The following EVC2 variants were observed in gnomAD, a reference collection of about 807,000 sequenced individuals.
EVC2 encodes limbin.
A neutral mutation model predicts 149.3 loss-of-function variants in EVC2; 148 were observed. The ratio of observed to expected loss-of-function variants is 0.99; its 90% CI spans 0.87 to 1.14. The LOEUF (loss-of-function observed/expected upper bound fraction) is 1.14. Ranked by LOEUF, EVC2 falls within the 50% of genes most tolerant of loss-of-function variation. EVC2 has a pLI of 0.00. For missense variants in EVC2, 1,854 were observed against 1,627.3 expected (o/e 1.14, Z -2.40); for synonymous variants, 776 against 649.9 (o/e 1.19, Z -2.95).
chr4:5,561,696 G>A (rs1020395083), downstream of EVC2, among the ~76,000 whole-genome samples: 7 of 152,156 alleles, frequency 4.6e-5, no homozygotes, highest in African/African-American at 1.7e-4. Context: ...CTCCCATATA[G>A]GTGGTTTCAT....
In EVC2 at chr4:5,631,948, C is replaced by G; in HGVS notation, c.1555G>C (p.Glu519Gln). ...HLRKSLALQQ[E>Q]EDFAKAHRQL... is the part of the protein sequence containing the mutation. ...CTGTGAGCTTTGGCAAAGTCTTCTT[C>G]TTGTTGCAAAGCGAGAGACTTCCTC... is the stretch of plus-strand genomic sequence containing the variant. The change falls in exon 11 of 22, where the codon GAA (glutamate) becomes CAA (glutamine). Residue 519 changes from glutamate (E) to glutamine (Q), a missense_variant. Physicochemically the swap from Glu to Gln is conservative, Grantham distance 29 (BLOSUM62 2). Coordinates refer to ENST00000344408, the MANE Select transcript of EVC2 (RefSeq NM_147127.5). 6.2e-7 allele frequency: 1 copy of G among 1,614,188 alleles called. No individual in the cohort carries two copies. The highest frequency in any genetic ancestry group is 8.5e-7 in the Non-Finnish European group (1 of 1,180,018).
At position 5,665,644 on chromosome 4, in the gene EVC2, C is replaced by A; in HGVS notation, c.876G>T (p.Leu292=). 6.2e-7 allele frequency: 1 copy of A among 1,614,172 alleles called. No individual in the cohort carries two copies. The highest frequency in any genetic ancestry group is 8.5e-7 in the Non-Finnish European group (1 of 1,180,016). ...SITAEENVTV[L]PHHGLHAAGF... ...CTGCTGCGTGGAGGCCGTGGTGCGG[C>A]AGAACCTGTGGAGACAAGAGGAGAG... The change falls in exon 8 of 22, where the codon CTG becomes CTT. Residue 292 remains leucine (L), a synonymous_variant. Transcript: ENST00000344408.
chr4:5,571,264 G>A (rs1477040740), intron 19 of EVC2, among the ~76,000 whole-genome samples: 1 of 132,950 alleles, frequency 7.5e-6, no homozygotes, highest in Non-Finnish European at 1.5e-5. Flanking sequence ...GTTGCAGTGA[G>A]CCAAGATCGC....
At chr4:5,558,978 A>G (rs1721890226), downstream of EVC2, among the ~76,000 whole-genome samples, 1 of 152,160 alleles carries the variant, frequency 6.6e-6, no homozygotes, top group African/African-American at 2.4e-5. Context: ...GGATCATTTG[A>G]GTCTTGGAGT....
At chr4:5,695,582 T>C (rs1306541180) in intron 2 of EVC2, among the ~76,000 whole-genome samples, 2 of 152,146 alleles carry the variant, frequency 1.3e-5, no homozygotes, top group Non-Finnish European at 2.9e-5. Context: ...CTCACCTGGG[T>C]GTGTGGTTAA....
At chr4:5,602,431 T>G (rs1298958683) in intron 16 of EVC2, among the ~76,000 whole-genome samples, 1 of 151,946 alleles carries the variant, frequency 6.6e-6, no homozygotes, top group Non-Finnish European at 1.5e-5. Flanking sequence ...GAAAAAGGAT[T>G]CCAGTTTTCT....
Position 5,562,757 on chromosome 4 carries a change from C to T in EVC2, c.*91G>A. On this transcript the variant is annotated 3_prime_UTR_variant, in exon 22 of 22. Transcript: ENST00000344408. The surrounding 1 kb of genome is among the most constrained non-coding windows in gnomAD (Gnocchi z 4.3). ...CTTCTGCATGTGCAATTTATATTTG[C>T]GAGTTGTGCATTATAAACACACAAA... The T allele has an allele frequency of 3.7e-6, 6 of 1,600,204 alleles. No individual in the cohort carries two copies. The Admixed American group carries it at 6.7e-5, about 18-fold the overall frequency.
At chr4:5,533,100 G>A in the EVC2 span, among the ~76,000 whole-genome samples, 1 of 151,460 alleles carries the variant, frequency 6.6e-6, no homozygotes. Context: ...TGTGGTGGAG[G>A]GAGACAGACA....
At chr4:5,559,688 C>T (rs1721904203), downstream of EVC2, among the ~76,000 whole-genome samples, 1 of 152,188 alleles carries the variant, frequency 6.6e-6, no homozygotes, top group African/African-American at 2.4e-5. The surrounding 1 kb of genome is among the most constrained non-coding windows in gnomAD (Gnocchi z 5.0). Flanking sequence ...ACAGAAAGAG[C>T]TCCCAATGTT....
downstream of EVC2, among the ~76,000 whole-genome samples, chr4:5,561,392 G>C (rs1284562318): frequency 6.6e-6 from 1 of 152,132 alleles, no homozygotes; most frequent in Admixed American, 6.6e-5. Flanking sequence ...GAGGCCCACT[G>C]GACCTTCTGA....
chr4:5,532,489 C>T, the EVC2 span, among the ~76,000 whole-genome samples: 2 of 152,276 alleles, frequency 1.3e-5, no homozygotes, highest in South Asian at 4.1e-4. Context: ...ACAGATACAA[C>T]AGACCCAAGA....
At position 5,562,794 on chromosome 4, in the gene EVC2, A is replaced by G; in HGVS notation, c.*54T>C. 6.2e-7 allele frequency: 1 copy of G among 1,610,208 alleles called. No individual in the cohort carries two copies. Among genetic ancestry groups the G allele is most frequent in the South Asian group, 1.1e-5 (1 of 90,872 alleles). ...TATAAACACACAAACACCGGCGGGCAGGAGAAAATCATCCCTTCTCTCTTC... is the reference window on the plus strand; with the variant it reads ...TATAAACACACAAACACCGGCGGGCGGGAGAAAATCATCCCTTCTCTCTTC... On this transcript the variant is annotated 3_prime_UTR_variant, in exon 22 of 22. Transcript: ENST00000344408. The surrounding 1 kb of genome is among the most constrained non-coding windows in gnomAD (Gnocchi z 4.3).
At chr4:5,559,338 C>T (rs187567994), downstream of EVC2, among the ~76,000 whole-genome samples, 84 of 152,264 alleles carry the variant, frequency 5.5e-4, no homozygotes, top group African/African-American at 2.0e-3. This position sits in a 1 kb window ranked among gnomAD's most constrained non-coding sequence, Gnocchi z 5.0. Context: ...AAAATATTAA[C>T]GGACATGTGT....
intron 9 of EVC2, among the ~76,000 whole-genome samples, chr4:5,643,043 G>A (rs939200904): frequency 1.5e-4 from 23 of 152,282 alleles, no homozygotes; most frequent in Middle Eastern, 3.4e-3. Flanking sequence ...TCTATCTAAC[G>A]AGTTAACTTG....
chr4:5,687,118 A>T (rs963992388), intron 5 of EVC2, among the ~76,000 whole-genome samples: 2 of 152,138 alleles, frequency 1.3e-5, no homozygotes, highest in Non-Finnish European at 2.9e-5. Flanking sequence ...TTAGCTGGGC[A>T]TGGTGGCACA....
At chr4:5,535,601 AAGAGAGAG>A in the EVC2 span, among the ~76,000 whole-genome samples, 1,415 of 118,256 alleles carry the variant, frequency 0.012, 10 homozygotes, top group Middle Eastern at 0.037. This position sits in a 1 kb window ranked among gnomAD's most constrained non-coding sequence, Gnocchi z 4.7. Context: ...CATGCTTAGA[AAGAGAGAG>A]AGAGAGAGAG....
chr4:5,626,341 T>G (rs559890956), intron 12 of EVC2, among the ~76,000 whole-genome samples: 14,465 of 149,920 alleles, frequency 0.096, 1,398 homozygotes, highest in African/African-American at 0.24. Flanking sequence ...GTTTTTTTTT[T>G]TTTTTTTTTT....
chr4:5,594,732 C>T (rs1273816114), intron 16 of EVC2, among the ~76,000 whole-genome samples: 7 of 152,294 alleles, frequency 4.6e-5, no homozygotes, highest in African/African-American at 7.2e-5. Flanking sequence ...ATGACTTGGA[C>T]GAGTTGAGAG....
rs1722914067 is a variant in EVC2 at position 5,576,206 on chromosome 4, AAT to A, written c.3272+32_3272+33del. 6.2e-7 allele frequency: 1 copy of A among 1,613,872 alleles called. No individual in the cohort carries two copies. Among genetic ancestry groups the A allele is most frequent in the Non-Finnish European group, 8.5e-7 (1 of 1,180,034 alleles). ...AGGTTCTCCAGGACTGCTGGGGACT[AAT>A]ATCTTTGAGTGCTACGGGGCACACG... On this transcript the variant is annotated intron_variant, in intron 18 of 21. Coordinates refer to ENST00000344408, the MANE Select transcript of EVC2 (RefSeq NM_147127.5). The surrounding 1 kb of genome is among the most constrained non-coding windows in gnomAD (Gnocchi z 4.5).
Sources: gnomAD v4.1 joint callset for allele counts (sites outside exome capture counted in the v4.1 genomes callset) on GRCh38, gnomAD v4.1.1 for gene constraint, Gnocchi (gnomAD v3.1) non-coding constraint, MANE v1.5 for transcripts, NCBI Gene and HGNC (gene_info 2026-07-23, HGNC 2026-07-21) for gene names.